Variants in GRIK2 observed in about 807,000 individuals in gnomAD.
The protein encoded by GRIK2 is glutamate receptor ionotropic, kainate 2.
A neutral mutation model predicts 100.3 loss-of-function variants in GRIK2; 32 were observed. The ratio of observed to expected loss-of-function variants is 0.32; its 90% CI spans 0.24 to 0.43. The LOEUF (loss-of-function observed/expected upper bound fraction) is 0.43. Ranked by LOEUF, GRIK2 falls within the 20% of genes least tolerant of loss-of-function variation. The probability of loss-of-function intolerance (pLI) is 1.00; values close to 1 mark genes in which losing one functional copy is unlikely to be tolerated. For synonymous variants in GRIK2, 417 were observed against 389.4 expected, an observed-to-expected ratio of 1.07 and a Z score of -0.83; for missense variants, 843 against 1,114.9, an observed-to-expected ratio of 0.76 and a Z score of 3.47.
intron 15 of GRIK2, among the ~76,000 whole-genome samples, chr6:102,043,510 C>A (rs1449839864): frequency 6.6e-6 from 1 of 151,830 alleles, no homozygotes; most frequent in African/African-American, 2.4e-5. Context: ...TATGTGATAT[C>A]CGTCTTTTTG....
intron 7 of GRIK2, among the ~76,000 whole-genome samples, chr6:101,701,955 A>G (rs951143228): frequency 1.3e-5 from 2 of 152,052 alleles, no homozygotes; most frequent in African/African-American, 2.4e-5. Flanking sequence ...AAAGCTCTGT[A>G]TCCACTGGTT....
intron 2 of GRIK2, among the ~76,000 whole-genome samples, chr6:101,612,737 T>TGTGC (rs1440526662): frequency 6.6e-6 from 1 of 151,104 alleles, no homozygotes; most frequent in Admixed American, 6.6e-5. Context: ...TGTGTGTGTG[T>TGTGC]GTGTGTGTGT....
At chr6:101,986,518 A>G (rs1292107670) in intron 14 of GRIK2, among the ~76,000 whole-genome samples, 1 of 151,876 alleles carries the variant, frequency 6.6e-6, no homozygotes, top group Non-Finnish European at 1.5e-5. Context: ...TGACAGTCAT[A>G]AGGAGATGAA....
intron 11 of GRIK2, among the ~76,000 whole-genome samples, chr6:101,867,562 A>T (rs1482194460): frequency 1.3e-5 from 2 of 151,712 alleles, no homozygotes. Context: ...CCCAGGATAG[A>T]GCCTCAACAA....
At chr6:101,633,848 C>T (rs972516395) in intron 4 of GRIK2, among the ~76,000 whole-genome samples, 1 of 152,038 alleles carries the variant, frequency 6.6e-6, no homozygotes, top group African/African-American at 2.4e-5. Context: ...AACTTAGATG[C>T]AGTGAGTTGA....
At chr6:101,830,779 A>G (rs891085824) in intron 10 of GRIK2, among the ~76,000 whole-genome samples, 1 of 152,060 alleles carries the variant, frequency 6.6e-6, no homozygotes, top group Admixed American at 6.6e-5. Context: ...AATGCTAATT[A>G]GTTCAGCCCC....
At chr6:101,555,558 T>G (rs759411561) in intron 2 of GRIK2, among the ~76,000 whole-genome samples, 2 of 152,208 alleles carry the variant, frequency 1.3e-5, no homozygotes, top group African/African-American at 4.8e-5. Context: ...AATTTAAAAA[T>G]TTCATCTAAA....
chr6:101,593,454 T>C (rs1480849172), intron 2 of GRIK2, among the ~76,000 whole-genome samples: 2 of 151,944 alleles, frequency 1.3e-5, no homozygotes, highest in African/African-American at 4.8e-5. Context: ...TCTGACTCTT[T>C]CAAACATACC....
intron 2 of GRIK2, among the ~76,000 whole-genome samples, chr6:101,508,906 AGCACTTCGGGAG>A (rs1457236253): frequency 1.3e-5 from 2 of 152,180 alleles, no homozygotes; most frequent in Non-Finnish European, 2.9e-5. Context: ...CTGTAATCTC[AGCACTTCGGGAG>A]GCCGAGGTGG....
intron 14 of GRIK2, among the ~76,000 whole-genome samples, chr6:101,969,089 T>C (rs1239847555): frequency 6.6e-6 from 1 of 152,026 alleles, no homozygotes; most frequent in Admixed American, 6.6e-5. Flanking sequence ...ATAAAATATA[T>C]TTCCTTAGAA....
At chr6:101,994,455 A>C (rs1179835405) in intron 14 of GRIK2, among the ~76,000 whole-genome samples, 15 of 151,898 alleles carry the variant, frequency 9.9e-5, no homozygotes. Context: ...AATTATAAAA[A>C]TTATGGTAGA....
In GRIK2 at chr6:101,944,616, T is replaced by C. The variant is rs995470261; in HGVS notation, c.2085+15984T>C. 7.9e-5 allele frequency among the ~76,000 whole-genome samples: 12 copies of C among 152,170 alleles called. 1 individual carries two copies. Among genetic ancestry groups the C allele is most frequent in the African/African-American group, 2.9e-4 (12 of 41,452 alleles). On this transcript the variant is annotated intron_variant, in intron 14 of 16. Coordinates refer to ENST00000369134, the MANE Select transcript of GRIK2 (RefSeq NM_021956.5). ...GATATTCAATAATCAAAGATAAAAA[T>C]AATAGTTTGTTTTATGTTTTTTGTG...
chr6:101,889,928 C>G, intron 12 of GRIK2, 65 bp downstream of exon 12: 1 of 845,844 alleles, frequency 1.2e-6, no homozygotes, highest in Non-Finnish European at 2.0e-6. Context: ...TAATAATTGT[C>G]AAAAGTCACA....
At chr6:101,897,696 GA>G (rs763161285) in intron 12 of GRIK2, among the ~76,000 whole-genome samples, 2 of 151,834 alleles carry the variant, frequency 1.3e-5, no homozygotes, top group South Asian at 2.1e-4. Flanking sequence ...GTCTGTGCAG[GA>G]AGCCAGTGAC....
intron 2 of GRIK2, among the ~76,000 whole-genome samples, chr6:101,431,873 G>C (rs79115055): frequency 2.0e-5 from 3 of 151,998 alleles, no homozygotes; most frequent in Non-Finnish European, 4.4e-5. Context: ...GTAGACCCAC[G>C]TGCACTTTTT....
In GRIK2 at chr6:101,969,690, C is replaced by T. The variant is rs375861345; in HGVS notation, c.2085+41058C>T. On this transcript the variant is annotated intron_variant, in intron 14 of 16. Transcript: ENST00000369134. The stretch of plus-strand genomic sequence containing the variant: ...TAGTCTTAATGCATAATATTTAATC[C>T]ATCACATTAATCTTTGTAGATGAAA... 1.9e-4 allele frequency among the ~76,000 whole-genome samples: 29 copies of T among 151,874 alleles called. 1 individual carries two copies. The highest frequency in any genetic ancestry group is 5.3e-4 in the African/African-American group (22 of 41,368).
At chr6:101,937,476 T>C (rs188362836) in intron 14 of GRIK2, among the ~76,000 whole-genome samples, 14 of 152,240 alleles carry the variant, frequency 9.2e-5, no homozygotes, top group Admixed American at 9.2e-4. Context: ...TAGCCACTGG[T>C]TAGGCAACAT....
At chr6:101,760,378 T>A (rs1288554618) in intron 7 of GRIK2, among the ~76,000 whole-genome samples, 1 of 74,560 alleles carries the variant, frequency 1.3e-5, no homozygotes, top group Non-Finnish European at 2.0e-5. Flanking sequence ...ATATTTATTA[T>A]ATATAATTAA....
chr6:101,581,218 T>A (rs988159439), intron 2 of GRIK2, among the ~76,000 whole-genome samples: 28 of 130,400 alleles, frequency 2.1e-4, no homozygotes, highest in African/African-American at 8.9e-4. Context: ...ATATATACAT[T>A]CACACACACT....
Sources: gnomAD v4.1 joint callset for allele counts (sites outside exome capture counted in the v4.1 genomes callset) on GRCh38, gnomAD v4.1.1 for gene constraint, MANE v1.5 for transcripts, NCBI Gene and HGNC (gene_info 2026-07-23, HGNC 2026-07-21) for gene names.